The following PSTPIP2 variants were observed in gnomAD, a reference collection of about 807,000 sequenced individuals.
The protein encoded by PSTPIP2 is proline-serine-threonine phosphatase interacting protein 2.
PSTPIP2 carries 33 observed loss-of-function variants against 63.3 expected under a neutral mutation model. That is an observed-to-expected ratio of 0.52 (90% CI 0.40 to 0.70). The LOEUF is 0.70. Ranked by LOEUF, PSTPIP2 falls within the 30% of genes least tolerant of loss-of-function variation. The probability of loss-of-function intolerance (pLI) is 0.00; values close to 1 mark genes in which losing one functional copy is unlikely to be tolerated. For missense variants in PSTPIP2, 312 were observed against 400.7 expected, an observed-to-expected ratio of 0.78 and a Z score of 1.89; for synonymous variants, 125 against 132.7, an observed-to-expected ratio of 0.94 and a Z score of 0.40.
chr18:46,019,896 G>A lies in PSTPIP2; in HGVS notation c.213-3959C>T, dbSNP rs77198462. ...ATCCACTCTTCAGTGATGCTTATTT[G>A]TCTTCAAAGAATAGGAAAAAAAGAC... is the stretch of plus-strand genomic sequence containing the variant. On this transcript the variant is annotated intron_variant, in intron 3 of 14. Coordinates refer to ENST00000409746, the MANE Select transcript of PSTPIP2 (RefSeq NM_024430.4). Among the ~76,000 whole-genome samples, 903 of 152,262 alleles carry A rather than the reference G, an allele frequency of 5.9e-3. 13 individuals are homozygous for A. Among genetic ancestry groups the A allele is most frequent in the Admixed American group, 0.03 (463 of 15,292 alleles).
At chr18:46,053,349 G>C (rs1026300349) in intron 1 of PSTPIP2, among the ~76,000 whole-genome samples, 1 of 152,110 alleles carries the variant, frequency 6.6e-6, no homozygotes, top group Non-Finnish European at 1.5e-5. Context: ...ATGGGAGTGA[G>C]GATGTTTTAT....
At chr18:45,986,222 T>C (rs1020408391) in intron 14 of PSTPIP2, among the ~76,000 whole-genome samples, 9 of 152,230 alleles carry the variant, frequency 5.9e-5, no homozygotes, top group Non-Finnish European at 1.5e-5. Flanking sequence ...ATGAATGTGT[T>C]GTATACTCCC....
chr18:46,067,351 A>G (rs1355074728), intron 1 of PSTPIP2, among the ~76,000 whole-genome samples: 2 of 151,396 alleles, frequency 1.3e-5, no homozygotes, highest in South Asian at 4.2e-4. Flanking sequence ...AAATACAAAA[A>G]AATTAGCCGG....
chr18:46,065,008 G>A (rs1469360169), intron 1 of PSTPIP2, among the ~76,000 whole-genome samples: 1 of 151,656 alleles, frequency 6.6e-6, no homozygotes, highest in Non-Finnish European at 1.5e-5. Flanking sequence ...GCCAGGCATG[G>A]TGGTGCATGC....
rs374556990 is a variant in PSTPIP2 at position 46,033,065 on chromosome 18, T to C, written c.134+6882A>G. ...AGATCCAAGGGGCTCTCACAGAACA[T>C]CTCATACAATCCAAATTTTATGGCT... is the stretch of plus-strand genomic sequence containing the variant. On this transcript the variant is annotated intron_variant, in intron 2 of 14. Transcript: ENST00000409746. 6.4e-4 allele frequency among the ~76,000 whole-genome samples: 97 copies of C among 152,360 alleles called. 2 individuals carry two copies. The highest frequency in any genetic ancestry group is 2.1e-3 in the African/African-American group (89 of 41,590).
chr18:46,052,407 T>C (rs1599743288), intron 1 of PSTPIP2, among the ~76,000 whole-genome samples: 1 of 152,126 alleles, frequency 6.6e-6, no homozygotes, highest in South Asian at 2.1e-4. Context: ...ATAAGCAAAG[T>C]ACAACAAATA....
Position 46,039,940 on chromosome 18 carries a change from A to T in PSTPIP2, c.134+7T>A, listed in dbSNP as rs773142947. ...CCCTCTTCAGAGAGGACAGAGCATC[A>T]TCGTACCTTTCTTTTAGAAAGTCTT... On this transcript the variant is annotated splice_region_variant and intron_variant, in intron 2 of 14. Transcript: ENST00000409746. 2.1e-5 allele frequency: 34 copies of T among 1,602,798 alleles called. No homozygotes were observed. The highest frequency in any genetic ancestry group is 3.4e-6 in the Non-Finnish European group (4 of 1,169,872).
In PSTPIP2 at chr18:45,985,461, A is replaced by G; in HGVS notation, c.*9-11T>C. On this transcript the variant is annotated splice_polypyrimidine_tract_variant and intron_variant, in intron 14 of 14. Coordinates refer to ENST00000409746, the MANE Select transcript of PSTPIP2 (RefSeq NM_024430.4). ...AAAAAGCTCTGGTTTCTGAAAGAAA[A>G]TAACAAAGAAATTTCCTCTGAATGA... 1 of 1,612,926 alleles carries G rather than the reference A, an allele frequency of 6.2e-7. No individual in the cohort carries two copies. Among genetic ancestry groups the G allele is most frequent in the Non-Finnish European group, 8.5e-7 (1 of 1,179,466 alleles).
chr18:45,989,314 C>T (rs779785124), intron 13 of PSTPIP2, among the ~76,000 whole-genome samples: 1 of 152,156 alleles, frequency 6.6e-6, no homozygotes, highest in South Asian at 2.1e-4. Flanking sequence ...GTTTCCCCCA[C>T]AATGTTGTCC....
At chr18:46,026,727 A>G (rs1907592244) in intron 2 of PSTPIP2, among the ~76,000 whole-genome samples, 1 of 152,120 alleles carries the variant, frequency 6.6e-6, no homozygotes, top group African/African-American at 2.4e-5. Context: ...TTAAATAAAT[A>G]AATAAATGAA....
At chr18:46,038,233 T>A (rs1039128291) in intron 2 of PSTPIP2, among the ~76,000 whole-genome samples, 18 of 152,230 alleles carry the variant, frequency 1.2e-4, no homozygotes, top group African/African-American at 4.3e-4. Context: ...TTGGATAAAT[T>A]AACAGGGTAG....
chr18:46,071,470 G>A (rs951379525), intron 1 of PSTPIP2, among the ~76,000 whole-genome samples: 61 of 152,130 alleles, frequency 4.0e-4, no homozygotes, highest in Non-Finnish European at 6.9e-4. Flanking sequence ...ACCGGGCTGG[G>A]TGGGGTACCC....
At chr18:46,029,580 A>G in intron 2 of PSTPIP2, 1 of 780,468 alleles carries the variant, frequency 1.3e-6, no homozygotes, top group Non-Finnish European at 2.4e-6. Flanking sequence ...GTCTCGAAGG[A>G]ACAAACCCAA....
intron 6 of PSTPIP2, among the ~76,000 whole-genome samples, chr18:46,003,843 A>G (rs1599705743): frequency 7.1e-6 from 1 of 140,234 alleles, no homozygotes; most frequent in Non-Finnish European, 1.5e-5. Context: ...CGCAACCTCC[A>G]CCTCCTGGGT....
At chr18:46,060,936 T>C (rs979000476) in intron 1 of PSTPIP2, among the ~76,000 whole-genome samples, 5 of 152,278 alleles carry the variant, frequency 3.3e-5, no homozygotes, top group African/African-American at 1.2e-4. Flanking sequence ...ATGACACGTA[T>C]AAAACAGCAG....
chr18:46,009,390 AAC>A (rs367952844), intron 5 of PSTPIP2, among the ~76,000 whole-genome samples: 5,535 of 43,548 alleles, frequency 0.13, 847 homozygotes, highest in African/African-American at 0.17. Context: ...AAAAAAAAAA[AAC>A]CTAGCTAAAT....
chr18:46,042,048 G>A (rs1222999899), intron 1 of PSTPIP2, among the ~76,000 whole-genome samples: 1 of 152,124 alleles, frequency 6.6e-6, no homozygotes, highest in Non-Finnish European at 1.5e-5. Flanking sequence ...CAGGACCCAG[G>A]CCTGGGGCTG....
At chr18:46,028,962 T>A (rs576796243) in intron 2 of PSTPIP2, 9 of 1,086,106 alleles carry the variant, frequency 8.3e-6, no homozygotes, top group South Asian at 1.2e-5. Flanking sequence ...CTTCTGCTGC[T>A]CAGATCTCAT....
intron 14 of PSTPIP2, among the ~76,000 whole-genome samples, chr18:45,988,265 C>T (rs1200612123): frequency 6.6e-6 from 1 of 150,998 alleles, no homozygotes; most frequent in African/African-American, 2.5e-5. Flanking sequence ...AGCCCTGTTT[C>T]TACTGAAAAT....
Sources: gnomAD v4.1 joint callset for allele counts (sites outside exome capture counted in the v4.1 genomes callset) on GRCh38, gnomAD v4.1.1 for gene constraint, MANE v1.5 for transcripts, NCBI Gene and HGNC (gene_info 2026-07-23, HGNC 2026-07-21) for gene names.